The following LOC128462377 variants were observed in gnomAD, a reference collection of about 807,000 sequenced individuals.
the LOC128462377 span, among the ~76,000 whole-genome samples, chr16:89,346,048 G>C: frequency 1.6e-4 from 25 of 151,842 alleles, no homozygotes; most frequent in Admixed American, 1.6e-3. Flanking sequence ...TTGAGACCAG[G>C]CTGGCCAACA....
At chr16:89,411,595 G>A in the LOC128462377 span, among the ~76,000 whole-genome samples, 1 of 151,906 alleles carries the variant, frequency 6.6e-6, no homozygotes, top group Non-Finnish European at 1.5e-5. Context: ...TGTATTTTTT[G>A]GAGAGATGGG....
the LOC128462377 span, among the ~76,000 whole-genome samples, chr16:89,353,350 AAGAGAGAG>A: frequency 3.3e-5 from 5 of 149,460 alleles, no homozygotes; most frequent in East Asian, 2.0e-4. Context: ...TCCAAAAAAA[AAGAGAGAG>A]AGAGAGAGAG....
the LOC128462377 span, among the ~76,000 whole-genome samples, chr16:89,325,694 C>T: frequency 6.6e-6 from 1 of 152,206 alleles, no homozygotes; most frequent in Non-Finnish European, 1.5e-5. Context: ...TTGTGGTCTG[C>T]TAAGTTGTAC....
chr16:89,355,316 C>A, the LOC128462377 span, among the ~76,000 whole-genome samples: 1 of 152,156 alleles, frequency 6.6e-6, no homozygotes, highest in African/African-American at 2.4e-5. Context: ...ACGGCTCACA[C>A]AGACCCACAA....
chr16:89,378,793 C>T, the LOC128462377 span, among the ~76,000 whole-genome samples: 13 of 152,268 alleles, frequency 8.5e-5, no homozygotes, highest in South Asian at 2.7e-3. Flanking sequence ...ATCATGTTGG[C>T]CAGGCTGGTC....
the LOC128462377 span, among the ~76,000 whole-genome samples, chr16:89,329,403 A>C: frequency 6.6e-6 from 1 of 152,238 alleles, no homozygotes; most frequent in Non-Finnish European, 1.5e-5. Context: ...AAAAAGGAAA[A>C]AAAAGGGAGA....
chr16:89,370,458 C>T, the LOC128462377 span, among the ~76,000 whole-genome samples: 3 of 152,166 alleles, frequency 2.0e-5, no homozygotes, highest in Non-Finnish European at 4.4e-5. Flanking sequence ...TGGCAAATGG[C>T]TCCTGCAAGA....
the LOC128462377 span, among the ~76,000 whole-genome samples, chr16:89,334,973 C>A: frequency 2.0e-5 from 3 of 152,104 alleles, no homozygotes; most frequent in Non-Finnish European, 4.4e-5. Flanking sequence ...AGGGGAGGTC[C>A]AGGAGGAGAT....
the LOC128462377 span, among the ~76,000 whole-genome samples, chr16:89,399,042 A>G: frequency 6.6e-6 from 1 of 152,208 alleles, no homozygotes; most frequent in Non-Finnish European, 1.5e-5. Flanking sequence ...GCAGTTTCCA[A>G]GCAAGGCATT....
At chr16:89,336,306 A>T in the LOC128462377 span, among the ~76,000 whole-genome samples, 1 of 152,186 alleles carries the variant, frequency 6.6e-6, no homozygotes, top group Non-Finnish European at 1.5e-5. Context: ...AAATGCACAC[A>T]CGCCAGGGCA....
chr16:89,378,724 T>C, the LOC128462377 span, among the ~76,000 whole-genome samples: 3 of 152,160 alleles, frequency 2.0e-5, no homozygotes, highest in African/African-American at 7.2e-5. Context: ...GGATTACAGG[T>C]GTGTGCCACC....
At chr16:89,383,937 C>T in the LOC128462377 span, among the ~76,000 whole-genome samples, 2 of 152,236 alleles carry the variant, frequency 1.3e-5, no homozygotes, top group East Asian at 3.8e-4. Flanking sequence ...CTGACGAAGG[C>T]GCTTCACAAA....
chr16:89,340,943 G>A, the LOC128462377 span, among the ~76,000 whole-genome samples: 22 of 152,248 alleles, frequency 1.4e-4, no homozygotes, highest in East Asian at 4.2e-3. Context: ...ATGTGGGAGT[G>A]AACATCAGCC....
the LOC128462377 span, chr16:89,323,304 C>T: frequency 7.8e-7 from 1 of 1,288,842 alleles, no homozygotes; most frequent in Admixed American, 2.3e-5. Flanking sequence ...GTGACACACC[C>T]TATGACCCAC....
At chr16:89,411,821 G>C in the LOC128462377 span, among the ~76,000 whole-genome samples, 21 of 152,164 alleles carry the variant, frequency 1.4e-4, no homozygotes, top group Non-Finnish European at 2.4e-4. Context: ...AAAGAGACTA[G>C]AATTCTCAGC....
chr16:89,352,073 A>G, the LOC128462377 span, among the ~76,000 whole-genome samples: 8 of 152,148 alleles, frequency 5.3e-5, no homozygotes, highest in Non-Finnish European at 8.8e-5. Flanking sequence ...TAATTTGTGT[A>G]GAGGCGGGGG....
the LOC128462377 span, among the ~76,000 whole-genome samples, chr16:89,413,985 G>T: frequency 6.6e-6 from 1 of 152,044 alleles, no homozygotes; most frequent in Non-Finnish European, 1.5e-5. Flanking sequence ...GAGGGGGCTC[G>T]GCTCTGGCTG....
chr16:89,371,998 G>A, the LOC128462377 span, among the ~76,000 whole-genome samples: 11 of 152,184 alleles, frequency 7.2e-5, no homozygotes, highest in Admixed American at 3.3e-4. Flanking sequence ...AGATGGGACC[G>A]GTTTGTCACG....
the LOC128462377 span, among the ~76,000 whole-genome samples, chr16:89,326,997 AATGCAGAGGGGGAATGCAGAGGTGGGG>A: frequency 1.3e-5 from 2 of 151,642 alleles, no homozygotes; most frequent in South Asian, 4.2e-4. Context: ...AGAGGTGGGG[AATGCAGAGGGGGAATGCAGAGGTGGGG>A]AATGCAGAGG....
Sources: gnomAD v4.1 joint callset for allele counts (sites outside exome capture counted in the v4.1 genomes callset) on GRCh38, gnomAD v4.1.1 for gene constraint, MANE v1.5 for transcripts.